Variants in RASIP1 observed in about 807,000 individuals in gnomAD.
RASIP1 encodes the protein ras-interacting protein 1.
A neutral mutation model predicts 85.3 loss-of-function variants in RASIP1; 20 were observed. The observed-to-expected ratio is 0.23, with a 90% CI of 0.17 to 0.34. RASIP1 has a LOEUF of 0.34. Among genes scored for constraint, RASIP1 ranks in the 10% least tolerant of loss-of-function variants. RASIP1 has a pLI of 1.00. For missense variants in RASIP1, 1,170 were observed against 1,390.9 expected, an observed-to-expected ratio of 0.84 and a Z score of 2.53; for synonymous variants, 617 against 647.1, an observed-to-expected ratio of 0.95 and a Z score of 0.71.
At chr19:48,728,789 C>CAAAT in intron 5 of RASIP1, 148 bp downstream of exon 5, 1 of 964,952 alleles carries the variant, frequency 1.0e-6, no homozygotes, top group South Asian at 2.7e-5. Context: ...AACAAACAAA[C>CAAAT]AAAACCCAAA....
intron 3 of RASIP1, chr19:48,737,470 C>T: frequency 2.0e-6 from 2 of 985,434 alleles, no homozygotes; most frequent in African/African-American, 1.7e-5. Context: ...TCCAGGCCTT[C>T]CTTCGCCTCT....
intron 4 of RASIP1, 98 bp from the exon 5 acceptor site, chr19:48,729,688 A>G: frequency 1.7e-6 from 2 of 1,194,696 alleles, no homozygotes; most frequent in Non-Finnish European, 2.3e-6. Flanking sequence ...ATTCCCACCA[A>G]CTTTTTTTTT....
Position 48,738,912 on chromosome 19 carries a change from G to T in RASIP1, c.823+48C>A. The T allele has an allele frequency of 1.1e-5, 2 of 185,090 alleles. No individual in the cohort carries two copies. Among genetic ancestry groups the T allele is most frequent in the Non-Finnish European group, 1.3e-5 (2 of 149,398 alleles). The allele number at this position is 185,090 out of a possible 1,614,324, so 11.5% of individuals were successfully genotyped here. Reference sequence around the variant, plus strand: ...GCCCAGGCCCCGCCCCACGGACCCCGCCTCTCTGGCACCGAGTCCCCGCCC... The same window carrying T: ...GCCCAGGCCCCGCCCCACGGACCCCTCCTCTCTGGCACCGAGTCCCCGCCC... On this transcript the variant is annotated intron_variant, in intron 3 of 11. Transcript: ENST00000222145. This position sits in a 1 kb window ranked among gnomAD's most constrained non-coding sequence, Gnocchi z 4.0.
chr19:48,729,708 TC>T (rs68191940), intron 4 of RASIP1, 118 bp from the exon 5 acceptor site: 45,963 of 431,020 alleles, frequency 0.11, 4,304 homozygotes, highest in Non-Finnish European at 0.14. Flanking sequence ...TCCTTCTTCT[TC>T]TTTTTTTTTT....
At position 48,740,401 on chromosome 19, in the gene RASIP1, C is replaced by T. The variant is rs1302054914; in HGVS notation, c.-4-115G>A. Reference sequence around the variant, plus strand: ...GGGGCTGGGGCTCAGACTTGCGAGTCCAGGGGGAGGAGAGGGATGGTACCC... The same window carrying T: ...GGGGCTGGGGCTCAGACTTGCGAGTTCAGGGGGAGGAGAGGGATGGTACCC... On this transcript the variant is annotated intron_variant, in intron 1 of 11. Coordinates refer to ENST00000222145, the MANE Select transcript of RASIP1 (RefSeq NM_017805.3). This position sits in a 1 kb window ranked among gnomAD's most constrained non-coding sequence, Gnocchi z 5.5. 4.2e-6 allele frequency: 6 copies of T among 1,430,560 alleles called. No individual in the cohort carries two copies. Among genetic ancestry groups the T allele is most frequent in the Non-Finnish European group, 5.5e-6 (6 of 1,082,708 alleles). 88.6% of individuals were successfully genotyped at this position (1,430,560 alleles called of 1,614,324 possible).
Position 48,720,597 on chromosome 19 carries a change from G to A in RASIP1, c.*201C>T, listed in dbSNP as rs2033208012. 1.7e-6 allele frequency: 1 copy of A among 594,958 alleles called. No individual in the cohort carries two copies. Among genetic ancestry groups the A allele is most frequent in the East Asian group, 2.8e-5 (1 of 35,926 alleles). The allele number at this position is 594,958 out of a possible 1,614,324, so 36.9% of individuals were successfully genotyped here. A position where few individuals can be genotyped will look rare whatever the true frequency, so the allele number is the denominator to read the frequency against. On this transcript the variant is annotated 3_prime_UTR_variant, in exon 12 of 12. Coordinates refer to ENST00000222145, the MANE Select transcript of RASIP1 (RefSeq NM_017805.3). Reference sequence around the variant, plus strand: ...ACAATCGAGGCGCTGCCGATACCACGGATACCTTTATTGCTCCCTGGCATT... The same window carrying A: ...ACAATCGAGGCGCTGCCGATACCACAGATACCTTTATTGCTCCCTGGCATT...
At position 48,720,913 on chromosome 19, in the gene RASIP1, G is replaced by A. The variant is rs752303192; in HGVS notation, c.2777C>T (p.Thr926Met). Residue 926 changes from threonine (T) to methionine (M), a missense_variant, in exon 12 of 12, where the codon ACG becomes ATG. Around this residue, in one of 4 missense-constraint regions of RASIP1, gnomAD observed 144 missense variants for 125.5 expected, o/e 1.15. Coordinates refer to ENST00000222145, the MANE Select transcript of RASIP1 (RefSeq NM_017805.3). ...SSRLRLTGPV[T>M]DDALHRELRR... ...GAGTTCACGGTGCAAGGCATCGTCC[G>A]TCACTGGACCAGTGAGGCGCAGGCG... 3 of 1,613,646 alleles carry A rather than the reference G, an allele frequency of 1.9e-6. No homozygotes were observed. Among genetic ancestry groups the A allele is most frequent in the African/African-American group, 2.7e-5 (2 of 74,930 alleles).
chr19:48,733,511 A>G (rs1345335537), intron 4 of RASIP1, among the ~76,000 whole-genome samples: 1 of 151,598 alleles, frequency 6.6e-6, no homozygotes, highest in Non-Finnish European at 1.5e-5. Context: ...CCTTCTAAAA[A>G]TGGGTCAGTG....
intron 10 of RASIP1, among the ~76,000 whole-genome samples, chr19:48,722,621 T>C (rs968256969): frequency 3.9e-5 from 6 of 152,142 alleles, no homozygotes; most frequent in African/African-American, 9.7e-5. Flanking sequence ...GGCCACTCTA[T>C]ATCTGTTTGA....
In RASIP1 at chr19:48,739,399, C is replaced by T. The variant is rs1209725833; in HGVS notation, c.384G>A (p.Ala128=). 2 of 1,355,088 alleles carry T rather than the reference C, an allele frequency of 1.5e-6. No individual in the cohort carries two copies. The highest frequency in any genetic ancestry group is 1.9e-6 in the Non-Finnish European group (2 of 1,059,058). The allele number at this position is 1,355,088 out of a possible 1,614,324, so 83.9% of individuals were successfully genotyped here. A position where few individuals can be genotyped will look rare whatever the true frequency, so the allele number is the denominator to read the frequency against. Residue 128 remains alanine, a synonymous_variant, in exon 3 of 12, where the codon GCG becomes GCA. Coordinates refer to ENST00000222145, the MANE Select transcript of RASIP1 (RefSeq NM_017805.3). This position sits in a 1 kb window ranked among gnomAD's most constrained non-coding sequence, Gnocchi z 9.2. ...WASEKKLPEL[A]AGVAPEPPLA... is the part of the protein sequence containing the mutation. Reference sequence around the variant, plus strand: ...GCGGGGGCTCGGGGGCCACGCCCGCCGCCAGCTCCGGCAGCTTCTTCTCGC... The same window carrying T: ...GCGGGGGCTCGGGGGCCACGCCCGCTGCCAGCTCCGGCAGCTTCTTCTCGC...
In RASIP1 at chr19:48,739,742, C is replaced by T. The variant is rs2033636989; in HGVS notation, c.138-97G>A. The T allele has an allele frequency of 4.6e-6, 6 of 1,309,182 alleles. No homozygotes were observed. The highest frequency in any genetic ancestry group is 3.8e-5 in the South Asian group (2 of 52,172). The allele number at this position is 1,309,182 out of a possible 1,614,324, so 81.1% of individuals were successfully genotyped here. ...ATATTAGGAGGGAAGTGGGCAGAGA[C>T]CCAGAGGGAGGACAGGGACCCAGGG... On this transcript the variant is annotated intron_variant, in intron 2 of 11. Coordinates refer to ENST00000222145, the MANE Select transcript of RASIP1 (RefSeq NM_017805.3). This position sits in a 1 kb window ranked among gnomAD's most constrained non-coding sequence, Gnocchi z 9.2.
rs1353566842 is a variant in RASIP1 at position 48,729,406 on chromosome 19, C to T, written c.1364G>A (p.Gly455Asp). 6 of 1,556,340 alleles carry T rather than the reference C, an allele frequency of 3.9e-6. No individual in the cohort carries two copies. In the South Asian group the frequency reaches 5.9e-5, roughly 15 times the overall value. ...EHPAMVRPSR[G>D]APVTHNGCLL... ...GCACCCGTTGTGCGTGACTGGGGCG[C>T]CCCGGGACGGGCGCACCATGGCCGG... The change falls in exon 5 of 12, where the codon GGC becomes GAC. Residue 455 changes from glycine (G) to aspartate (D), a missense_variant. This residue lies in a region of RASIP1 where 301 missense variants were observed against 294.8 expected (regional missense o/e 1.02). Transcript: ENST00000222145.
In RASIP1 at chr19:48,721,869, C is replaced by T. The variant is rs761501340; in HGVS notation, c.2677G>A (p.Glu893Lys). 3 of 1,606,712 alleles carry T rather than the reference C, an allele frequency of 1.9e-6. No individual in the cohort carries two copies. The highest frequency in any genetic ancestry group is 1.7e-6 in the Non-Finnish European group (2 of 1,176,952). The change falls in exon 11 of 12, where the codon GAG becomes AAG. Residue 893 changes from glutamate to lysine, a missense_variant. This residue lies in a region of RASIP1 where 144 missense variants were observed against 125.5 expected (regional missense o/e 1.15). Coordinates refer to ENST00000222145, the MANE Select transcript of RASIP1 (RefSeq NM_017805.3). ...AAWDPPPAER[E>K]AVDTGDIFES... ...TGCTCCTCACCTGTGTCCACAGCCT[C>T]CCGCTCTGCAGGGGGAGGGTCCCAC...
intron 3 of RASIP1, among the ~76,000 whole-genome samples, chr19:48,735,794 T>TTC (rs1042923811): frequency 4.0e-5 from 5 of 123,562 alleles, no homozygotes; most frequent in Non-Finnish European, 8.7e-5. Context: ...TTTGTTCTTC[T>TTC]TTTTTTTTTT....
intron 10 of RASIP1, among the ~76,000 whole-genome samples, chr19:48,722,610 C>T (rs1274397186): frequency 6.6e-6 from 1 of 151,992 alleles, no homozygotes; most frequent in Non-Finnish European, 1.5e-5. Context: ...TATTCTATGG[C>T]GGCCACTCTA....
chr19:48,740,135 A>T lies in RASIP1; in HGVS notation c.137+11T>A. ...GTGCAGGGGCAGGAGTCCTGCAGAG[A>T]TGGCACTCACTTGACAGAGGCTGCG... On this transcript the variant is annotated intron_variant, in intron 2 of 11. Transcript: ENST00000222145. This position sits in a 1 kb window ranked among gnomAD's most constrained non-coding sequence, Gnocchi z 5.5. 1 of 1,582,400 alleles carries T rather than the reference A, an allele frequency of 6.3e-7. No homozygotes were observed. The highest frequency in any genetic ancestry group is 8.6e-7 in the Non-Finnish European group (1 of 1,168,314).
At chr19:48,734,850 A>C (rs2033540380) in intron 4 of RASIP1, among the ~76,000 whole-genome samples, 1 of 152,096 alleles carries the variant, frequency 6.6e-6, no homozygotes. Context: ...TTTGGCCTCA[A>C]GCAATTCTTC....
chr19:48,729,558 C>G lies in RASIP1; in HGVS notation c.1212G>C (p.Gln404His), dbSNP rs1294566784. 6.2e-7 allele frequency: 1 copy of G among 1,602,184 alleles called. No homozygotes were observed. Among genetic ancestry groups the G allele is most frequent in the East Asian group, 2.3e-5 (1 of 44,184 alleles). Reference protein sequence around the residue: ...DFVVYVMTREQHVFGRGGNSS... With the variant: ...DFVVYVMTREHHVFGRGGNSS... ...AGTTCCCACCTCGCCCAAACACGTGCTGCTCTCGCGTCATCACATACACCA... is the reference window on the plus strand; with the variant it reads ...AGTTCCCACCTCGCCCAAACACGTGGTGCTCTCGCGTCATCACATACACCA... Residue 404 changes from glutamine (Q) to histidine (H), a missense_variant, in exon 5 of 12, where the codon CAG (glutamine) becomes CAC (histidine). Around this residue, in one of 4 missense-constraint regions of RASIP1, gnomAD observed 301 missense variants for 294.8 expected, o/e 1.02. Transcript: ENST00000222145.
Position 48,738,708 on chromosome 19 carries a change from T to A in RASIP1, c.823+252A>T, listed in dbSNP as rs2033613580. On this transcript the variant is annotated intron_variant, in intron 3 of 11. Coordinates refer to ENST00000222145, the MANE Select transcript of RASIP1 (RefSeq NM_017805.3). This position sits in a 1 kb window ranked among gnomAD's most constrained non-coding sequence, Gnocchi z 4.0. The stretch of plus-strand genomic sequence containing the variant: ...CCCCCGTCCCGCCTAAGCCCCAAGC[T>A]TGGCCCCTGTAAAACTCCTGCTCAA... The A allele has an allele frequency of 2.8e-6, 1 of 352,430 alleles. No individual in the cohort carries two copies. Among genetic ancestry groups the A allele is most frequent in the Non-Finnish European group, 4.7e-6 (1 of 210,738 alleles). 21.8% of individuals were successfully genotyped at this position (352,430 alleles called of 1,614,324 possible).
Sources: gnomAD v4.1 joint callset for allele counts (sites outside exome capture counted in the v4.1 genomes callset) on GRCh38, gnomAD v4.1.1 for gene constraint, gnomAD v4.1.1 regional missense constraint, Gnocchi (gnomAD v3.1) non-coding constraint, MANE v1.5 for transcripts, NCBI Gene and HGNC (gene_info 2026-07-23, HGNC 2026-07-21) for gene names.